The following RPS6KA2 variants were observed in gnomAD, a reference collection of about 807,000 sequenced individuals.
The protein encoded by RPS6KA2 is ribosomal protein S6 kinase A2, also known as ribosomal protein S6 kinase alpha-2.
In RPS6KA2, 42 loss-of-function variants were observed where a neutral mutation model predicts 91.8. The ratio of observed to expected loss-of-function variants is 0.46; its 90% confidence interval spans 0.36 to 0.59. RPS6KA2 has a LOEUF of 0.59. RPS6KA2 is among the 20% of genes least tolerant of loss of function. The pLI is 0.00. For synonymous variants in RPS6KA2, 414 were observed against 393.6 expected, an observed-to-expected ratio of 1.05 and a Z score of -0.61; for missense variants, 798 against 978.5, an observed-to-expected ratio of 0.82 and a Z score of 2.46.
intron 2 of RPS6KA2, chr6:166,701,150 G>A (rs1789506283): frequency 1.9e-6 from 3 of 1,611,904 alleles, no homozygotes; most frequent in South Asian, 2.2e-5. Context: ...TGTTGCTGCT[G>A]CTTTACCTGA....
intron 10 of RPS6KA2, among the ~76,000 whole-genome samples, chr6:166,488,582 A>G (rs1016200786): frequency 6.6e-6 from 1 of 152,240 alleles, no homozygotes; most frequent in African/African-American, 2.4e-5. Flanking sequence ...CATTTTGGGT[A>G]AAACCAGTGG....
intron 2 of RPS6KA2, among the ~76,000 whole-genome samples, chr6:166,691,370 A>C (rs1789202114): frequency 6.6e-6 from 1 of 152,072 alleles, no homozygotes; most frequent in Admixed American, 6.5e-5. Flanking sequence ...TCTCCACTCC[A>C]GTCCAGCCTG....
intron 1 of RPS6KA2, among the ~76,000 whole-genome samples, chr6:166,581,142 C>T (rs1310667866): frequency 6.6e-6 from 1 of 152,116 alleles, no homozygotes; most frequent in Non-Finnish European, 1.5e-5. Context: ...CTGCCCGCCT[C>T]GGCCTCCCAA....
intron 2 of RPS6KA2, among the ~76,000 whole-genome samples, chr6:166,751,119 C>T (rs574279943): frequency 2.6e-5 from 4 of 152,212 alleles, no homozygotes; most frequent in Admixed American, 2.0e-4. Context: ...CCAGGTTCAG[C>T]GGTGAAATAG....
rs1786874298 is a variant in RPS6KA2, at chr6:166,626,341, G to A, written c.99+580C>T. 6.6e-6 allele frequency among the ~76,000 whole-genome samples: 1 copy of A among 152,264 alleles called. No homozygotes were observed. The highest frequency in any genetic ancestry group is 2.4e-5 in the African/African-American group (1 of 41,468). Reference sequence around the variant, plus strand: ...TCAGCCTCGGCGCTGCGAGGATATTGCATCAGGCTCTTTACTCCTGAACGC... The same window carrying A: ...TCAGCCTCGGCGCTGCGAGGATATTACATCAGGCTCTTTACTCCTGAACGC... On this transcript the variant is annotated intron_variant, in intron 1 of 20. Transcript: ENST00000265678. The surrounding 1 kb of genome is among the most constrained non-coding windows in gnomAD (Gnocchi z 4.1).
Position 166,433,880 on chromosome 6 carries a change from G to C in RPS6KA2, c.1333-1390C>G, listed in dbSNP as rs1779214250. ...AGTGATCCTCCTGCCTCAGCCTCCAGAATAACTAGGACTACAGAGGTGTGT... is the reference window on the plus strand; with the variant it reads ...AGTGATCCTCCTGCCTCAGCCTCCACAATAACTAGGACTACAGAGGTGTGT... On this transcript the variant is annotated intron_variant, in intron 14 of 20. Coordinates refer to ENST00000265678, the MANE Select transcript of RPS6KA2 (RefSeq NM_021135.6). The surrounding 1 kb of genome is among the most constrained non-coding windows in gnomAD (Gnocchi z 4.4). 6.6e-6 allele frequency among the ~76,000 whole-genome samples: 1 copy of C among 151,604 alleles called. No individual in the cohort carries two copies.
chr6:166,705,320 C>T (rs1789650304), intron 2 of RPS6KA2, among the ~76,000 whole-genome samples: 1 of 152,202 alleles, frequency 6.6e-6, no homozygotes, highest in Non-Finnish European at 1.5e-5. Flanking sequence ...GTCCGTTTCT[C>T]TTTGTCTCTG....
chr6:166,701,481 C>T, intron 2 of RPS6KA2: 2 of 1,186,588 alleles, frequency 1.7e-6, no homozygotes, highest in Non-Finnish European at 1.3e-6. Flanking sequence ...CCATCCTCAC[C>T]TTAGCATCTG....
intron 2 of RPS6KA2, among the ~76,000 whole-genome samples, chr6:166,687,473 A>T (rs1326330593): frequency 6.6e-6 from 1 of 152,130 alleles, no homozygotes; most frequent in Admixed American, 6.6e-5. Context: ...GGGCAGGGGG[A>T]CACCAGTAGA....
At chr6:166,561,537 ACT>A (rs529938179) in intron 1 of RPS6KA2, among the ~76,000 whole-genome samples, 129 of 150,270 alleles carry the variant, frequency 8.6e-4, no homozygotes, top group African/African-American at 2.8e-3. Flanking sequence ...GTCACCCTCG[ACT>A]CTCTCATCTG....
At chr6:166,531,189 A>C in intron 3 of RPS6KA2, 43 bp downstream of exon 3, 1 of 1,255,120 alleles carries the variant, frequency 8.0e-7, no homozygotes, top group Non-Finnish European at 1.2e-6. Context: ...TAGAAATTGC[A>C]GTTACCTGTC....
In RPS6KA2 at chr6:166,732,204, C is replaced by T. The variant is rs1199057537; in HGVS notation, c.123+125996G>A. Reference sequence around the variant, plus strand: ...AAAAACAGTAACATCAACCTGGATGCTGGGAACCTGGCATCTGTTAAAGTC... The same window carrying T: ...AAAAACAGTAACATCAACCTGGATGTTGGGAACCTGGCATCTGTTAAAGTC... On this transcript the variant is annotated intron_variant, in intron 2 of 21. Transcript: ENST00000503859. This position sits in a 1 kb window ranked among gnomAD's most constrained non-coding sequence, Gnocchi z 4.0. Among the ~76,000 whole-genome samples the T allele has an allele frequency of 6.6e-6, 1 of 150,662 alleles. No homozygotes were observed. Among genetic ancestry groups the T allele is most frequent in the Non-Finnish European group, 1.5e-5 (1 of 68,002 alleles).
intron 16 of RPS6KA2, among the ~76,000 whole-genome samples, chr6:166,429,195 C>T (rs1015526418): frequency 1.4e-5 from 2 of 147,918 alleles, no homozygotes; most frequent in African/African-American, 5.0e-5. Context: ...GACAAAAAAC[C>T]AAACACTGCA....
At chr6:166,483,048 C>A (rs1781289599) in intron 10 of RPS6KA2, among the ~76,000 whole-genome samples, 6 of 152,200 alleles carry the variant, frequency 3.9e-5, no homozygotes. Flanking sequence ...AAACCAGATG[C>A]AACAAGATGC....
intron 2 of RPS6KA2, among the ~76,000 whole-genome samples, chr6:166,712,858 C>T (rs1789904541): frequency 6.6e-6 from 1 of 152,240 alleles, no homozygotes; most frequent in African/African-American, 2.4e-5. Flanking sequence ...CTATCCCGAG[C>T]TTTCTCTTCC....
In RPS6KA2 at chr6:166,732,145, A is replaced by G. The variant is rs778242914; in HGVS notation, c.123+126055T>C. Among the ~76,000 whole-genome samples, 3 of 152,166 alleles carry G rather than the reference A, an allele frequency of 2.0e-5. No individual in the cohort carries two copies. The highest frequency in any genetic ancestry group is 4.4e-5 in the Non-Finnish European group (3 of 68,026). ...TTTTTGTTTTACCAATAAATAAATA[A>G]ATAACCAAGAAAAATACTTTAATAC... On this transcript the variant is annotated intron_variant, in intron 2 of 21. Coordinates refer to the RPS6KA2 transcript ENST00000503859. The surrounding 1 kb of genome is among the most constrained non-coding windows in gnomAD (Gnocchi z 4.0).
intron 1 of RPS6KA2, among the ~76,000 whole-genome samples, chr6:166,548,462 A>T (rs1469583029): frequency 6.6e-6 from 1 of 152,256 alleles, no homozygotes; most frequent in South Asian, 2.1e-4. Flanking sequence ...AGCTACAGTA[A>T]TCAAGATGGT....
At chr6:166,719,164 C>T (rs920609127) in intron 2 of RPS6KA2, among the ~76,000 whole-genome samples, 1 of 152,128 alleles carries the variant, frequency 6.6e-6, no homozygotes, top group South Asian at 2.1e-4. Flanking sequence ...TCTTAGAATG[C>T]GTATTGGACA....
chr6:166,792,694 T>C (rs1331757360), intron 2 of RPS6KA2, among the ~76,000 whole-genome samples: 3 of 152,180 alleles, frequency 2.0e-5, no homozygotes, highest in Non-Finnish European at 4.4e-5. Flanking sequence ...GCAAGGCTGG[T>C]TCAATATATG....
Sources: allele counts gnomAD v4.1 joint callset (sites outside exome capture counted in the v4.1 genomes callset), GRCh38; gene constraint gnomAD v4.1.1; non-coding constraint Gnocchi (gnomAD v3.1); transcripts MANE v1.5; gene names NCBI Gene and HGNC (gene_info 2026-07-23, HGNC 2026-07-21).